The following SLC24A2 variants were observed in gnomAD, a reference collection of about 807,000 sequenced individuals.
SLC24A2 encodes sodium/potassium/calcium exchanger 2.
In SLC24A2, 36 loss-of-function variants were observed where a neutral mutation model predicts 62.0. The observed-to-expected ratio is 0.58, with a 90% CI of 0.44 to 0.77. The LOEUF (loss-of-function observed/expected upper bound fraction) is 0.77. SLC24A2 is among the 30% of genes least tolerant of loss of function. The pLI, the probability that SLC24A2 is intolerant of heterozygous loss-of-function variation, is 0.00. For synonymous variants in SLC24A2, 358 were observed against 294.0 expected, an observed-to-expected ratio of 1.22 and a Z score of -2.23; for missense variants, 846 against 817.9, an observed-to-expected ratio of 1.03 and a Z score of -0.42.
At chr9:20,285,570 A>G in the SLC24A2 span, among the ~76,000 whole-genome samples, 1 of 152,192 alleles carries the variant, frequency 6.6e-6, no homozygotes, top group Non-Finnish European at 1.5e-5. Flanking sequence ...TTTAACTCAT[A>G]GGATGAGGGC....
the SLC24A2 span, among the ~76,000 whole-genome samples, chr9:20,172,596 T>C: frequency 6.6e-6 from 1 of 152,054 alleles, no homozygotes; most frequent in African/African-American, 2.4e-5. Flanking sequence ...CTTGAAAACC[T>C]AGAGGAGATG....
chr9:20,026,047 A>C, the SLC24A2 span, among the ~76,000 whole-genome samples: 1 of 152,322 alleles, frequency 6.6e-6, no homozygotes, highest in East Asian at 1.9e-4. Context: ...CTAATCTGCT[A>C]CTTCCTAACT....
chr9:19,828,508 A>G, the SLC24A2 span, among the ~76,000 whole-genome samples: 1 of 152,200 alleles, frequency 6.6e-6, no homozygotes, highest in Non-Finnish European at 1.5e-5. Context: ...TATGAATTAA[A>G]TATTTTTAAA....
chr9:20,236,382 G>A, the SLC24A2 span, among the ~76,000 whole-genome samples: 1 of 152,204 alleles, frequency 6.6e-6, no homozygotes. Flanking sequence ...TACAGAAACA[G>A]CTGTTTATTG....
chr9:19,600,532 A>C (rs1384633608), intron 4 of SLC24A2, among the ~76,000 whole-genome samples: 1 of 152,252 alleles, frequency 6.6e-6, no homozygotes, highest in African/African-American at 2.4e-5. Context: ...GAATATAATT[A>C]TGTAGGAATT....
the SLC24A2 span, among the ~76,000 whole-genome samples, chr9:20,241,563 T>C: frequency 2.0e-5 from 3 of 152,186 alleles, no homozygotes; most frequent in Non-Finnish European, 4.4e-5. Context: ...TCATAGTACC[T>C]GGTACAAAAT....
At chr9:19,803,119 T>C in the SLC24A2 span, among the ~76,000 whole-genome samples, 1 of 152,180 alleles carries the variant, frequency 6.6e-6, no homozygotes, top group African/African-American at 2.4e-5. Flanking sequence ...AGCCACCCCA[T>C]TTATGGTATT....
At chr9:19,595,670 C>A (rs1836685514) in intron 5 of SLC24A2, among the ~76,000 whole-genome samples, 1 of 151,998 alleles carries the variant, frequency 6.6e-6, no homozygotes, top group Admixed American at 6.6e-5. Context: ...AGAAAGGGAA[C>A]ACTTGGACAA....
At chr9:19,750,327 A>G (rs1254668849) in intron 2 of SLC24A2, among the ~76,000 whole-genome samples, 1 of 151,856 alleles carries the variant, frequency 6.6e-6, no homozygotes, top group Non-Finnish European at 1.5e-5. Context: ...TAAACTCAAC[A>G]TGCTCAACAC....
chr9:19,984,488 C>G, the SLC24A2 span, among the ~76,000 whole-genome samples: 1 of 152,080 alleles, frequency 6.6e-6, no homozygotes, highest in East Asian at 1.9e-4. Context: ...TGTAGATCAT[C>G]TGAGGTCAGG....
chr9:19,619,557 G>T (rs753813049), intron 4 of SLC24A2, 27 bp downstream of exon 4: 1 of 1,560,762 alleles, frequency 6.4e-7, no homozygotes, highest in East Asian at 2.2e-5. Flanking sequence ...CCCCAAACAA[G>T]TTCCCAAACC....
At position 19,685,424 on chromosome 9, in the gene SLC24A2, T is replaced by C. The variant is rs533174016; in HGVS notation, c.931-63125A>G. On this transcript the variant is annotated intron_variant, in intron 2 of 10. Transcript: ENST00000341998. ...AGAAAAAGCTATCTTAAAAATTATA[T>C]GGAACCAAAAAGGAGCTCAAATAGC... is the stretch of plus-strand genomic sequence containing the variant. 3.3e-4 allele frequency among the ~76,000 whole-genome samples: 50 copies of C among 152,258 alleles called. No homozygotes were observed. In the Middle Eastern group the frequency reaches 0.01, roughly 31 times the overall value.
the SLC24A2 span, among the ~76,000 whole-genome samples, chr9:19,937,934 T>C: frequency 6.6e-6 from 1 of 152,192 alleles, no homozygotes; most frequent in Non-Finnish European, 1.5e-5. Context: ...GTTTGCTTAT[T>C]ACAAAAGCAA....
chr9:20,019,245 G>GA, the SLC24A2 span, among the ~76,000 whole-genome samples: 6 of 132,152 alleles, frequency 4.5e-5, no homozygotes, highest in Admixed American at 1.6e-4. Context: ...GAAAAAGAAA[G>GA]AAGGAAAGAG....
the SLC24A2 span, among the ~76,000 whole-genome samples, chr9:20,221,087 G>C: frequency 6.6e-6 from 1 of 152,116 alleles, no homozygotes; most frequent in Admixed American, 6.5e-5. Context: ...GAGTGGTGAG[G>C]AAGAGAGACA....
the SLC24A2 span, among the ~76,000 whole-genome samples, chr9:19,981,001 A>G: frequency 6.6e-6 from 1 of 152,196 alleles, no homozygotes; most frequent in Non-Finnish European, 1.5e-5. Context: ...CAAGAGGGTA[A>G]CACTTGTTAC....
At chr9:20,202,956 T>C in the SLC24A2 span, among the ~76,000 whole-genome samples, 1 of 152,196 alleles carries the variant, frequency 6.6e-6, no homozygotes, top group Non-Finnish European at 1.5e-5. Context: ...TTTTAATGCA[T>C]TGGAGTAAAG....
At chr9:19,893,035 T>A in the SLC24A2 span, among the ~76,000 whole-genome samples, 4 of 152,198 alleles carry the variant, frequency 2.6e-5, no homozygotes, top group Non-Finnish European at 5.9e-5. Flanking sequence ...ATCCTCTCCA[T>A]GGTTTCCCCA....
At chr9:19,705,757 T>G (rs1407997536) in intron 2 of SLC24A2, 1 of 154,068 alleles carries the variant, frequency 6.5e-6, no homozygotes, top group Non-Finnish European at 1.5e-5. Flanking sequence ...ATGAGTTTCT[T>G]AATCCTGAGT....
Sources: gnomAD v4.1 joint callset for allele counts (sites outside exome capture counted in the v4.1 genomes callset) on GRCh38, gnomAD v4.1.1 for gene constraint, MANE v1.5 for transcripts, NCBI Gene and HGNC (gene_info 2026-07-23, HGNC 2026-07-21) for gene names.